The following KIAA1671 variants were observed in gnomAD, a reference collection of about 807,000 sequenced individuals.
KIAA1671 encodes the protein KIAA1671, also known as uncharacterized protein KIAA1671.
In KIAA1671, 52 loss-of-function variants were observed where a neutral mutation model predicts 131.2. The observed-to-expected ratio is 0.40, with a 90% confidence interval of 0.32 to 0.50. The LOEUF is 0.50. Ranked by LOEUF, KIAA1671 falls within the 20% of genes least tolerant of loss-of-function variation. The pLI is 0.73. For synonymous variants in KIAA1671, 1,003 were observed against 961.6 expected (o/e 1.04, Z -0.80); for missense variants, 2,360 against 2,364.2 (o/e 1.00, Z 0.04).
At chr22:25,049,154 C>G in intron 5 of KIAA1671, 76 bp from the exon 6 acceptor site, 4 of 1,498,308 alleles carry the variant, frequency 2.7e-6, no homozygotes, top group Non-Finnish European at 3.6e-6. Flanking sequence ...ACAGAATGGA[C>G]TCTTGGCATA....
intron 6 of KIAA1671, among the ~76,000 whole-genome samples, chr22:25,120,999 C>T (rs1931910963): frequency 6.6e-6 from 1 of 152,096 alleles, no homozygotes; most frequent in Non-Finnish European, 1.5e-5. Context: ...TCAGAAGGCC[C>T]CTTTGTTACT....
chr22:25,104,497 C>A (rs921896133), intron 6 of KIAA1671, among the ~76,000 whole-genome samples: 6 of 152,200 alleles, frequency 3.9e-5, no homozygotes, highest in Non-Finnish European at 7.3e-5. Flanking sequence ...GAGGGCAAGA[C>A]TGAACGTGCC....
In KIAA1671 at chr22:25,041,207, G is replaced by A. The variant is rs1182352257; in HGVS notation, c.4077G>A (p.Gly1359=). ...KPSGREDPGS[G]VRVSPKSPPT... is the part of the protein sequence containing the mutation. ...CTGGTCGGGAGGATCCAGGCAGTGG[G>A]GTCAGGGTGTCACCCAAATCGCCCC... The change falls in exon 5 of 13, where the codon GGG becomes GGA. Residue 1359 remains glycine, a synonymous_variant. Transcript: ENST00000358431. 7 of 1,551,664 alleles carry A rather than the reference G, an allele frequency of 4.5e-6. No individual in the cohort carries two copies. The highest frequency in any genetic ancestry group is 1.7e-4 in the Middle Eastern group (1 of 6,014).
chr22:25,162,484 C>A (rs2145996187), intron 6 of KIAA1671, among the ~76,000 whole-genome samples: 1 of 152,246 alleles, frequency 6.6e-6, no homozygotes, highest in East Asian at 1.9e-4. Context: ...AAAATACATG[C>A]AGGTGTAATA....
chr22:25,182,116 T>C (rs1383543958), intron 10 of KIAA1671, among the ~76,000 whole-genome samples: 2 of 151,958 alleles, frequency 1.3e-5, no homozygotes, highest in South Asian at 2.1e-4. Context: ...GAGGCGGAGC[T>C]TGCAGTAAGC....
Position 25,028,008 on chromosome 22 carries a change from G to A in KIAA1671, c.9G>A (p.Thr3=), listed in dbSNP as rs1926043625. Residue 3 remains threonine (T), a synonymous_variant, in exon 3 of 13, where the codon ACG becomes ACA. Transcript: ENST00000358431. MA[T]RVEVGSITPL... The stretch of plus-strand genomic sequence containing the variant: ...AATCCACAACCATAACCATGGCCAC[G>A]CGGGTCGAGGTGGGCTCCATAACGC... 23 of 1,483,716 alleles carry A rather than the reference G, an allele frequency of 1.6e-5. No individual in the cohort carries two copies. Among genetic ancestry groups the A allele is most frequent in the Non-Finnish European group, 2.0e-5 (22 of 1,113,136 alleles). 91.9% of individuals were successfully genotyped at this position (1,483,716 alleles called of 1,614,324 possible). A position where few individuals can be genotyped will look rare whatever the true frequency, so the allele number is the denominator to read the frequency against.
intron 1 of KIAA1671, among the ~76,000 whole-genome samples, chr22:24,991,297 A>C (rs942767998): frequency 1.7e-4 from 26 of 151,186 alleles, no homozygotes. Context: ...TGCTGGGATT[A>C]CAGGCATGAG....
At chr22:25,043,528 C>T (rs1927059358) in intron 5 of KIAA1671, among the ~76,000 whole-genome samples, 3 of 152,190 alleles carry the variant, frequency 2.0e-5, no homozygotes, top group Admixed American at 6.5e-5. Context: ...TGAAGAACCA[C>T]GAAGGTGGGG....
chr22:25,050,830 T>C (rs1927494331), intron 6 of KIAA1671: 1 of 152,284 alleles, frequency 6.6e-6, no homozygotes, highest in Non-Finnish European at 1.5e-5. Flanking sequence ...TTCCCTTCCA[T>C]TGACTTCTTT....
At chr22:25,017,872 C>T (rs185580871) in intron 1 of KIAA1671, among the ~76,000 whole-genome samples, 1 of 152,292 alleles carries the variant, frequency 6.6e-6, no homozygotes, top group East Asian at 1.9e-4. Flanking sequence ...TGTGCCCCAT[C>T]AGGGCACCTC....
chr22:25,044,459 G>A (rs1362642085), intron 5 of KIAA1671, among the ~76,000 whole-genome samples: 2 of 152,076 alleles, frequency 1.3e-5, no homozygotes, highest in African/African-American at 4.8e-5. Flanking sequence ...GTGGAGGGGG[G>A]ATCCTGGGCT....
chr22:25,008,197 CAAAAAAAAAAAA>C (rs34995094), intron 1 of KIAA1671, among the ~76,000 whole-genome samples: 1 of 72,748 alleles, frequency 1.4e-5, no homozygotes, highest in Non-Finnish European at 2.5e-5. Flanking sequence ...GACTCCGTCG[CAAAAAAAAAAAA>C]AAAAAAAAAA....
At chr22:25,188,480 G>A (rs1934553441) in intron 11 of KIAA1671, among the ~76,000 whole-genome samples, 1 of 150,936 alleles carries the variant, frequency 6.6e-6, no homozygotes, top group East Asian at 1.9e-4. Context: ...GTGTGTGTGT[G>A]TGTGTGTGTG....
At chr22:25,062,824 G>A (rs1033927467) in intron 6 of KIAA1671, 7 of 9,498 alleles carry the variant, frequency 7.4e-4, no homozygotes, top group South Asian at 4.2e-3. Flanking sequence ...ACCCACCCCC[G>A]CCCCCCGCCA....
intron 6 of KIAA1671, chr22:25,063,695 C>G (rs1336410366): frequency 1.3e-5 from 2 of 152,152 alleles, no homozygotes; most frequent in Non-Finnish European, 2.9e-5. Context: ...ACCTGTACTT[C>G]CCAAAATTAT....
At chr22:25,116,975 G>A (rs555766702) in intron 6 of KIAA1671, among the ~76,000 whole-genome samples, 2 of 152,150 alleles carry the variant, frequency 1.3e-5, no homozygotes, top group African/African-American at 2.4e-5. Context: ...GATATATTGG[G>A]CTACATAATT....
At chr22:25,130,598 C>T (rs1932399046) in intron 6 of KIAA1671, among the ~76,000 whole-genome samples, 1 of 152,174 alleles carries the variant, frequency 6.6e-6, no homozygotes, top group African/African-American at 2.4e-5. Flanking sequence ...AAAGAAGTCC[C>T]ATCCTGTGAG....
chr22:25,105,829 G>C (rs199759975), intron 6 of KIAA1671, among the ~76,000 whole-genome samples: 3 of 151,552 alleles, frequency 2.0e-5, no homozygotes, highest in Admixed American at 6.6e-5. Flanking sequence ...TGGGGGGGGG[G>C]GGTGCCAAAC....
intron 6 of KIAA1671, among the ~76,000 whole-genome samples, chr22:25,161,466 G>C (rs951448043): frequency 1.3e-5 from 2 of 152,236 alleles, no homozygotes; most frequent in South Asian, 4.1e-4. Context: ...AGGGGCCTGT[G>C]GCACGATGGT....
Sources: allele counts gnomAD v4.1 joint callset (sites outside exome capture counted in the v4.1 genomes callset), GRCh38; gene constraint gnomAD v4.1.1; transcripts MANE v1.5; gene names NCBI Gene and HGNC (gene_info 2026-07-23, HGNC 2026-07-21).